The following SYNJ2 variants were observed in gnomAD, a reference collection of about 807,000 sequenced individuals.
SYNJ2 encodes polyphosphatidylinositol phosphatase SYNJ2.
Under a neutral mutation model 141.3 loss-of-function variants are expected in SYNJ2, and 116 were observed. The ratio of observed to expected loss-of-function variants is 0.82; its 90% CI spans 0.71 to 0.96. SYNJ2 has a LOEUF of 0.96. SYNJ2 is among the 40% of genes least tolerant of loss of function. SYNJ2 has a pLI of 0.00. For synonymous variants in SYNJ2, 745 were observed against 777.7 expected, an observed-to-expected ratio of 0.96 and a Z score of 0.70; for missense variants, 1,873 against 1,934.8, an observed-to-expected ratio of 0.97 and a Z score of 0.60.
intron 16 of SYNJ2, among the ~76,000 whole-genome samples, chr6:158,075,370 G>C (rs1186131740): frequency 6.6e-6 from 1 of 152,006 alleles, no homozygotes; most frequent in Non-Finnish European, 1.5e-5. Flanking sequence ...GCCAGGTGCG[G>C]TGGCTCTTGC....
chr6:158,079,814 C>G (rs1782558991), intron 18 of SYNJ2, among the ~76,000 whole-genome samples: 1 of 152,152 alleles, frequency 6.6e-6, no homozygotes, highest in Non-Finnish European at 1.5e-5. Flanking sequence ...TTGAGGGGCC[C>G]TTACATGCCA....
rs999710664 is a variant in SYNJ2 at position 158,070,236 on chromosome 6, T to G, written c.1940+563T>G. On this transcript the variant is annotated intron_variant, in intron 14 of 26. Transcript: ENST00000355585. This position sits in a 1 kb window ranked among gnomAD's most constrained non-coding sequence, Gnocchi z 4.0. ...CCCCAGCTTGTGGTTGGCCTCATCTTACCACCTGGGCCTACCCATGGCTTT... is the reference window on the plus strand; with the variant it reads ...CCCCAGCTTGTGGTTGGCCTCATCTGACCACCTGGGCCTACCCATGGCTTT... 1 of 985,376 alleles carries G rather than the reference T, an allele frequency of 1.0e-6. No individual in the cohort carries two copies. Among genetic ancestry groups the G allele is most frequent in the African/African-American group, 1.7e-5 (1 of 57,210 alleles). The allele number at this position is 985,376 out of a possible 1,614,324, so 61.0% of individuals were successfully genotyped here.
At position 158,078,238 on chromosome 6, in the gene SYNJ2, C is replaced by G. The variant is rs758332483; in HGVS notation, c.2524C>G (p.Leu842Val). The G allele has an allele frequency of 6.2e-7, 1 of 1,614,002 alleles. No homozygotes were observed. Among genetic ancestry groups the G allele is most frequent in the Non-Finnish European group, 8.5e-7 (1 of 1,179,900 alleles). ...KVRHTWSPGA[L>V]QYYGRAELQA... ...CAGACACACCTGGTCTCCTGGTGCC[C>G]TGCAGTATTATGGTCGTGCGGAGCT... is the stretch of plus-strand genomic sequence containing the variant. The change falls in exon 18 of 27, where the codon CTG (leucine) becomes GTG (valine). Residue 842 changes from leucine to valine, a missense_variant. By Grantham distance (32) the Leu-to-Val change is conservative. Coordinates refer to ENST00000355585, the MANE Select transcript of SYNJ2 (RefSeq NM_003898.4).
Position 158,071,532 on chromosome 6 carries a change from T to G in SYNJ2, c.1941-70T>G. 1 of 1,544,864 alleles carries G rather than the reference T, an allele frequency of 6.5e-7. No homozygotes were observed. Among genetic ancestry groups the G allele is most frequent in the Non-Finnish European group, 8.8e-7 (1 of 1,141,360 alleles). Reference sequence around the variant, plus strand: ...AGGTCCCGAGCTGCTGCTGGGCCCTTCTCTGTGGCAAAGCAGGGTCACACT... The same window carrying G: ...AGGTCCCGAGCTGCTGCTGGGCCCTGCTCTGTGGCAAAGCAGGGTCACACT... On this transcript the variant is annotated intron_variant, in intron 14 of 26. Coordinates refer to ENST00000355585, the MANE Select transcript of SYNJ2 (RefSeq NM_003898.4). This position sits in a 1 kb window ranked among gnomAD's most constrained non-coding sequence, Gnocchi z 4.3.
intron 11 of SYNJ2, 118 bp from the exon 12 acceptor site, chr6:158,066,326 G>A: frequency 1.7e-6 from 2 of 1,185,842 alleles, no homozygotes; most frequent in Non-Finnish European, 2.4e-6. Context: ...GCATACCCTG[G>A]TTTATCTCTA....
At chr6:158,078,813 G>A (rs1306880823) in intron 18 of SYNJ2, 1 of 121,934 alleles carries the variant, frequency 8.2e-6, no homozygotes, top group African/African-American at 3.1e-5. Context: ...TTTTTTGAGA[G>A]AGAGTCTTGC....
At chr6:158,072,753 GT>G in intron 15 of SYNJ2, among the ~76,000 whole-genome samples, 1 of 139,216 alleles carries the variant, frequency 7.2e-6, no homozygotes, top group Non-Finnish European at 1.6e-5. Context: ...AAAAAAAAAA[GT>G]CTAACCCTTC....
At chr6:158,025,893 G>A (rs7769561) in intron 2 of SYNJ2, among the ~76,000 whole-genome samples, 57,746 of 151,178 alleles carry the variant, frequency 0.38, 11,264 homozygotes, top group Middle Eastern at 0.51. Flanking sequence ...CAGAGGTTGC[G>A]GTGAGCCGAG....
intron 1 of SYNJ2, among the ~76,000 whole-genome samples, chr6:158,012,335 T>C (rs961002273): frequency 1.3e-5 from 2 of 152,200 alleles, no homozygotes; most frequent in African/African-American, 4.8e-5. Context: ...GGAGACATTA[T>C]CCTGGATGAT....
intron 5 of SYNJ2, among the ~76,000 whole-genome samples, chr6:158,054,060 A>C (rs1414623532): frequency 7.0e-6 from 1 of 142,362 alleles, no homozygotes; most frequent in Non-Finnish European, 1.5e-5. Flanking sequence ...TCATCCATCC[A>C]CCCATTATCC....
chr6:158,087,495 C>T (rs960562887), intron 23 of SYNJ2, among the ~76,000 whole-genome samples: 4 of 152,192 alleles, frequency 2.6e-5, no homozygotes, highest in Non-Finnish European at 5.9e-5. Context: ...TCTGGTTGTT[C>T]GAACAATGCT....
intron 17 of SYNJ2, 45 bp downstream of exon 17, chr6:158,076,827 G>T: frequency 6.4e-7 from 1 of 1,567,948 alleles, no homozygotes; most frequent in East Asian, 2.3e-5. Context: ...GGGTGAATAA[G>T]AAATGCGACG....
chr6:158,021,635 C>T (rs750380608), intron 2 of SYNJ2, among the ~76,000 whole-genome samples: 2 of 152,082 alleles, frequency 1.3e-5, no homozygotes, highest in Non-Finnish European at 2.9e-5. Flanking sequence ...TGTGTGGCCT[C>T]GGGGTGTGGA....
In SYNJ2 at chr6:158,070,368, G is replaced by A. The variant is rs1246818882; in HGVS notation, c.1940+695G>A. 4 of 985,328 alleles carry A rather than the reference G, an allele frequency of 4.1e-6. No homozygotes were observed. Among genetic ancestry groups the A allele is most frequent in the African/African-American group, 3.5e-5 (2 of 57,190 alleles). 61.0% of individuals were successfully genotyped at this position (985,328 alleles called of 1,614,324 possible). A position where few individuals can be genotyped will look rare whatever the true frequency, so the allele number is the denominator to read the frequency against. On this transcript the variant is annotated intron_variant, in intron 14 of 26. Transcript: ENST00000355585. The surrounding 1 kb of genome is among the most constrained non-coding windows in gnomAD (Gnocchi z 4.0). ...CCTGTGCCTGCCAAGAGCACCACGG[G>A]TACACCCCTGCAGCACCTGGAGACT... is the stretch of plus-strand genomic sequence containing the variant.
intron 1 of SYNJ2, among the ~76,000 whole-genome samples, chr6:157,993,797 GTTT>G (rs61529071): frequency 2.2e-3 from 103 of 47,864 alleles, no homozygotes; most frequent in East Asian, 3.7e-3. Flanking sequence ...AAATGTGTGG[GTTT>G]TTTTTTTTTT....
At chr6:158,016,558 G>A (rs181431562) in intron 1 of SYNJ2, among the ~76,000 whole-genome samples, 5 of 152,216 alleles carry the variant, frequency 3.3e-5, no homozygotes, top group African/African-American at 7.2e-5. Context: ...CTGCCCCGTC[G>A]TCACCAGAAG....
At chr6:158,048,479 G>T (rs768192256) in intron 5 of SYNJ2, among the ~76,000 whole-genome samples, 1 of 152,154 alleles carries the variant, frequency 6.6e-6, no homozygotes, top group Non-Finnish European at 1.5e-5. Context: ...CTACACTGAG[G>T]AGTTTGCATC....
intron 1 of SYNJ2, among the ~76,000 whole-genome samples, chr6:158,007,664 C>T (rs953029102): frequency 2.0e-5 from 3 of 152,014 alleles, no homozygotes; most frequent in African/African-American, 7.3e-5. Context: ...TTGTTTTAGA[C>T]GGAGTTTCGC....
intron 1 of SYNJ2, among the ~76,000 whole-genome samples, chr6:158,000,165 A>T (rs946681736): frequency 7.1e-6 from 1 of 141,134 alleles, no homozygotes; most frequent in African/African-American, 2.7e-5. Flanking sequence ...CTGTTTCCAG[A>T]TCCACGGAAT....
Sources: gnomAD v4.1 joint callset for allele counts (sites outside exome capture counted in the v4.1 genomes callset) on GRCh38, gnomAD v4.1.1 for gene constraint, Gnocchi (gnomAD v3.1) non-coding constraint, MANE v1.5 for transcripts, NCBI Gene and HGNC (gene_info 2026-07-23, HGNC 2026-07-21) for gene names.